The following CPA6 variants were observed in gnomAD, a reference collection of about 807,000 sequenced individuals.
CPA6 encodes carboxypeptidase B.
CPA6 carries 58 observed loss-of-function variants against 63.3 expected under a neutral mutation model. The ratio of observed to expected loss-of-function variants is 0.92; its 90% CI spans 0.74 to 1.14. CPA6 has a LOEUF of 1.14. Ranked by LOEUF, CPA6 falls within the 50% of genes most tolerant of loss-of-function variation. CPA6 has a pLI of 0.00. For synonymous variants in CPA6, 185 were observed against 179.0 expected (o/e 1.03, Z -0.27); for missense variants, 565 against 526.6 (o/e 1.07, Z -0.71).
intron 8 of CPA6, among the ~76,000 whole-genome samples, chr8:67,475,928 TTCTTTC>T (rs756474275): frequency 0.092 from 8,561 of 92,976 alleles, 600 homozygotes; most frequent in African/African-American, 0.13. Flanking sequence ...CTTTCTTTCT[TTCTTTC>T]TCTTTCTTTC....
chr8:67,602,778 G>C (rs1814529278), intron 2 of CPA6, among the ~76,000 whole-genome samples: 1 of 152,182 alleles, frequency 6.6e-6, no homozygotes, highest in African/African-American at 2.4e-5. Flanking sequence ...CATTTCTGCT[G>C]CAAGAGTAGC....
chr8:67,493,309 C>G (rs1183930585), intron 6 of CPA6, among the ~76,000 whole-genome samples: 2 of 152,092 alleles, frequency 1.3e-5, no homozygotes, highest in African/African-American at 4.8e-5. Context: ...TAATGAGCAG[C>G]AAGACATAAT....
chr8:67,578,182 T>C (rs1813675662), intron 2 of CPA6, among the ~76,000 whole-genome samples: 2 of 152,234 alleles, frequency 1.3e-5, no homozygotes, highest in Admixed American at 6.5e-5. Context: ...TTCTAAAATA[T>C]GCAGAGAAAA....
chr8:67,477,921 T>A (rs1811278283), intron 8 of CPA6, among the ~76,000 whole-genome samples: 1 of 152,194 alleles, frequency 6.6e-6, no homozygotes, highest in African/African-American at 2.4e-5. Context: ...TCATCCTGTT[T>A]CCTGGAATAC....
chr8:67,742,863 A>G (rs1012067987), intron 1 of CPA6, among the ~76,000 whole-genome samples: 10 of 152,170 alleles, frequency 6.6e-5, no homozygotes, highest in South Asian at 2.1e-4. Flanking sequence ...AATCATGGCC[A>G]TGTTAGTTCT....
At chr8:67,682,951 G>A (rs1430905812) in intron 1 of CPA6, among the ~76,000 whole-genome samples, 1 of 152,212 alleles carries the variant, frequency 6.6e-6, no homozygotes, top group African/African-American at 2.4e-5. Flanking sequence ...TTAGCCGGAA[G>A]ACCTGGGTGA....
chr8:67,694,271 G>A (rs111457186), intron 1 of CPA6, among the ~76,000 whole-genome samples: 3,765 of 152,304 alleles, frequency 0.025, 184 homozygotes, highest in African/African-American at 0.086. Context: ...CCTTTGGCAG[G>A]CCTGTATAGG....
At chr8:67,608,383 C>T (rs533345467) in intron 2 of CPA6, among the ~76,000 whole-genome samples, 10 of 152,170 alleles carry the variant, frequency 6.6e-5, no homozygotes, top group Non-Finnish European at 1.0e-4. Context: ...ATCTGAACAT[C>T]GAGAGGAGTT....
intron 2 of CPA6, among the ~76,000 whole-genome samples, chr8:67,587,166 G>C (rs1813962931): frequency 6.6e-6 from 1 of 152,212 alleles, no homozygotes; most frequent in Admixed American, 6.5e-5. Context: ...AGTAAAGGGG[G>C]CCTTGAAATA....
At chr8:67,627,206 C>T (rs1815212211) in intron 1 of CPA6, among the ~76,000 whole-genome samples, 1 of 152,160 alleles carries the variant, frequency 6.6e-6, no homozygotes, top group South Asian at 2.1e-4. Context: ...CCAACAAGAG[C>T]TCTTTATTCA....
At chr8:67,548,734 G>A (rs1441361892) in intron 2 of CPA6, among the ~76,000 whole-genome samples, 2 of 152,182 alleles carry the variant, frequency 1.3e-5, no homozygotes, top group Non-Finnish European at 2.9e-5. Context: ...AGGGAGGGGA[G>A]GTAAATTCAG....
intron 1 of CPA6, among the ~76,000 whole-genome samples, chr8:67,694,453 T>C (rs1816872443): frequency 6.6e-6 from 1 of 152,200 alleles, no homozygotes; most frequent in Non-Finnish European, 1.5e-5. Context: ...CATCATGAAC[T>C]AAGTGTTATC....
At chr8:67,501,240 G>A (rs1587497563) in intron 6 of CPA6, among the ~76,000 whole-genome samples, 2 of 152,110 alleles carry the variant, frequency 1.3e-5, no homozygotes, top group East Asian at 3.9e-4. Context: ...TATTTCACCA[G>A]CATTTTGTAG....
chr8:67,489,569 C>T (rs1563973824), intron 6 of CPA6, among the ~76,000 whole-genome samples: 2 of 151,836 alleles, frequency 1.3e-5, no homozygotes, highest in East Asian at 3.9e-4. Flanking sequence ...ATATTTTTAA[C>T]AGATTATTTG....
At chr8:67,580,983 G>A (rs1027831094) in intron 2 of CPA6, among the ~76,000 whole-genome samples, 1 of 152,148 alleles carries the variant, frequency 6.6e-6, no homozygotes, top group Non-Finnish European at 1.5e-5. Flanking sequence ...TGGGCCCAGA[G>A]CGAGGGGAGT....
At chr8:67,489,150 T>A (rs1005045721) in intron 6 of CPA6, among the ~76,000 whole-genome samples, 2 of 152,082 alleles carry the variant, frequency 1.3e-5, no homozygotes, top group Non-Finnish European at 2.9e-5. Context: ...CTCCCTATGT[T>A]GCCCAGGCTG....
chr8:67,605,080 G>GTTTT (rs34741776), intron 2 of CPA6, among the ~76,000 whole-genome samples: 1 of 145,018 alleles, frequency 6.9e-6, no homozygotes. Flanking sequence ...GCCCAGCCAC[G>GTTTT]TTTTTTTTTT....
At chr8:67,428,428 C>T (rs1318500538) in intron 9 of CPA6, among the ~76,000 whole-genome samples, 1 of 149,726 alleles carries the variant, frequency 6.7e-6, no homozygotes, top group Non-Finnish European at 1.5e-5. Context: ...GCTAAGTACT[C>T]ATATTTTCTG....
At position 67,555,798 on chromosome 8, in the gene CPA6, T is replaced by C. The variant is rs149295960; in HGVS notation, c.193-37751A>G. Reference sequence around the variant, plus strand: ...GGATTGTTGGACAAGCAGCTGGTGTTAGAGAATTACAGAACTGGCATGGAA... The same window carrying C: ...GGATTGTTGGACAAGCAGCTGGTGTCAGAGAATTACAGAACTGGCATGGAA... On this transcript the variant is annotated intron_variant, in intron 2 of 10. Coordinates refer to ENST00000297770, the MANE Select transcript of CPA6 (RefSeq NM_020361.5). Among the ~76,000 whole-genome samples, 642 of 152,262 alleles carry C rather than the reference T, an allele frequency of 4.2e-3. 3 individuals are homozygous for C. The highest frequency in any genetic ancestry group is 0.014 in the African/African-American group (598 of 41,534).
Sources: gnomAD v4.1 joint callset for allele counts (sites outside exome capture counted in the v4.1 genomes callset) on GRCh38, gnomAD v4.1.1 for gene constraint, MANE v1.5 for transcripts, NCBI Gene and HGNC (gene_info 2026-07-23, HGNC 2026-07-21) for gene names.